Variants in NREP observed in about 807,000 individuals in gnomAD.
NREP encodes neuronal regeneration related protein, also known as neuronal regeneration-related protein.
A neutral mutation model predicts 8.6 loss-of-function variants in NREP; 5 were observed. The ratio of observed to expected loss-of-function variants is 0.58; its 90% CI spans 0.30 to 1.22. The LOEUF (loss-of-function observed/expected upper bound fraction) is 1.22. Ranked by LOEUF, NREP falls within the 50% of genes most tolerant of loss-of-function variation. NREP has a pLI of 0.07. For missense variants in NREP, 86 were observed against 82.5 expected, an observed-to-expected ratio of 1.04 and a Z score of -0.17; for synonymous variants, 27 against 28.0, an observed-to-expected ratio of 0.96 and a Z score of 0.11.
intron 2 of NREP, among the ~76,000 whole-genome samples, chr5:111,795,823 G>A (rs1053391695): frequency 2.1e-4 from 32 of 152,178 alleles, no homozygotes; most frequent in African/African-American, 7.5e-4. Context: ...ATAGAAAGCA[G>A]AAATATGCAT....
intron 2 of NREP, among the ~76,000 whole-genome samples, chr5:111,865,060 G>A (rs1581173429): frequency 6.6e-6 from 1 of 152,104 alleles, no homozygotes; most frequent in Admixed American, 6.6e-5. Flanking sequence ...AAGTTAGTGT[G>A]TGTACCTGCC....
intron 2 of NREP, among the ~76,000 whole-genome samples, chr5:111,783,485 T>C (rs1048413441): frequency 2.6e-5 from 4 of 152,218 alleles, no homozygotes; most frequent in African/African-American, 9.6e-5. Context: ...AGTTAAGATA[T>C]CTGTGGGGAA....
intron 2 of NREP, among the ~76,000 whole-genome samples, chr5:111,885,245 A>G (rs1222168025): frequency 2.6e-5 from 4 of 151,610 alleles, no homozygotes; most frequent in Admixed American, 6.6e-5. Flanking sequence ...AGAGAATAAA[A>G]TACCTAGGAA....
intron 2 of NREP, among the ~76,000 whole-genome samples, chr5:111,959,897 A>G (rs1436150211): frequency 6.6e-6 from 1 of 152,038 alleles, no homozygotes; most frequent in Non-Finnish European, 1.5e-5. Flanking sequence ...TGTATTATAC[A>G]TTTATTATAT....
At chr5:111,962,144 G>A (rs974546426) in intron 2 of NREP, among the ~76,000 whole-genome samples, 1 of 152,064 alleles carries the variant, frequency 6.6e-6, no homozygotes, top group African/African-American at 2.4e-5. Context: ...CAGTACCATG[G>A]CTCTTTTATC....
At chr5:111,851,342 C>A (rs967645615) in intron 2 of NREP, among the ~76,000 whole-genome samples, 1 of 152,194 alleles carries the variant, frequency 6.6e-6, no homozygotes, top group African/African-American at 2.4e-5. Context: ...CCTGCAGATA[C>A]TCTGGTGTTC....
chr5:111,975,521 G>A lies in NREP; in HGVS notation c.31-143C>T. The stretch of plus-strand genomic sequence containing the variant: ...AAGGACACTGACTGGCCAGGGTATA[G>A]GATCAGTTTATTTCCATGAAGACTC... On this transcript the variant is annotated intron_variant, in intron 1 of 3. Transcript: ENST00000395634. 2 of 624,426 alleles carry A rather than the reference G, an allele frequency of 3.2e-6. 1 individual carries two copies. The highest frequency in any genetic ancestry group is 3.9e-5 in the South Asian group (2 of 50,766). The allele number at this position is 624,426 out of a possible 1,614,324, so 38.7% of individuals were successfully genotyped here.
chr5:111,755,387 T>C (rs1264814169), intron 2 of NREP: 1 of 224,844 alleles, frequency 4.4e-6, no homozygotes, highest in Non-Finnish European at 9.0e-6. Flanking sequence ...TCCTCAGTTT[T>C]GGGTAACTTC....
intron 2 of NREP, among the ~76,000 whole-genome samples, chr5:111,959,085 C>A (rs924565717): frequency 6.6e-6 from 1 of 151,808 alleles, no homozygotes; most frequent in Admixed American, 6.6e-5. Flanking sequence ...ATGTGGGAAT[C>A]AAAACTGCAA....
At chr5:111,838,846 A>T in intron 2 of NREP, among the ~76,000 whole-genome samples, 2 of 152,200 alleles carry the variant, frequency 1.3e-5, no homozygotes, top group South Asian at 4.1e-4. Context: ...AAATAGATAC[A>T]TATGTGTAGC....
At chr5:111,885,404 G>C (rs1201586300) in intron 2 of NREP, among the ~76,000 whole-genome samples, 1 of 151,498 alleles carries the variant, frequency 6.6e-6, no homozygotes, top group African/African-American at 2.4e-5. Context: ...TACTGCCCAA[G>C]GTAATTTATA....
intron 2 of NREP, among the ~76,000 whole-genome samples, chr5:111,873,142 T>A (rs893574754): frequency 6.6e-6 from 1 of 152,222 alleles, no homozygotes; most frequent in African/African-American, 2.4e-5. Flanking sequence ...ATATTTATCA[T>A]AATGCCTGCC....
At chr5:111,801,311 G>T (rs532373040) in intron 2 of NREP, among the ~76,000 whole-genome samples, 73 of 152,262 alleles carry the variant, frequency 4.8e-4, no homozygotes, top group African/African-American at 1.7e-3. Flanking sequence ...GAATGTGGGG[G>T]TGCTGAGAGA....
intron 2 of NREP, among the ~76,000 whole-genome samples, chr5:111,785,371 T>C (rs983948450): frequency 6.6e-6 from 1 of 152,072 alleles, no homozygotes; most frequent in South Asian, 2.1e-4. Context: ...CTCCACCTCC[T>C]GGGTTCAAGC....
At position 111,731,057 on chromosome 5, in the gene NREP, G is replaced by A; in HGVS notation, c.82-11C>T. 1.2e-6 allele frequency: 2 copies of A among 1,613,502 alleles called. No homozygotes were observed. Among genetic ancestry groups the A allele is most frequent in the Non-Finnish European group, 1.7e-6 (2 of 1,179,668 alleles). Reference sequence around the variant, plus strand: ...GACAGGAAGTCTTCCCTGCAAAGCAGGCAGACCCACACACAGACAGACACA... The same window carrying A: ...GACAGGAAGTCTTCCCTGCAAAGCAAGCAGACCCACACACAGACAGACACA... On this transcript the variant is annotated splice_polypyrimidine_tract_variant and intron_variant, in intron 3 of 3. Transcript: ENST00000257435.
intron 2 of NREP, among the ~76,000 whole-genome samples, chr5:111,737,828 C>G (rs973506032): frequency 1.3e-5 from 2 of 151,952 alleles, no homozygotes; most frequent in African/African-American, 4.8e-5. Flanking sequence ...AAACTTTCTC[C>G]CTTACTTCAT....
intron 2 of NREP, among the ~76,000 whole-genome samples, chr5:111,856,475 G>C (rs1753429973): frequency 6.6e-6 from 1 of 152,182 alleles, no homozygotes; most frequent in South Asian, 2.1e-4. Context: ...CTTGGACTTT[G>C]GTGTTCTGTA....
At chr5:111,828,604 C>T (rs898229359) in intron 2 of NREP, among the ~76,000 whole-genome samples, 7 of 151,846 alleles carry the variant, frequency 4.6e-5, no homozygotes, top group African/African-American at 7.3e-5. Context: ...CAGCAATTAC[C>T]GTTGATTGCT....
intron 2 of NREP, among the ~76,000 whole-genome samples, chr5:111,933,330 G>C (rs1158122622): frequency 6.6e-6 from 1 of 152,104 alleles, no homozygotes; most frequent in Non-Finnish European, 1.5e-5. Context: ...AGTATCCTTA[G>C]TAGGAAGGAG....
Sources: allele counts gnomAD v4.1 joint callset (sites outside exome capture counted in the v4.1 genomes callset), GRCh38; gene constraint gnomAD v4.1.1; transcripts MANE v1.5; gene names NCBI Gene and HGNC (gene_info 2026-07-23, HGNC 2026-07-21).